Variants in NLGN2 observed in about 807,000 individuals in gnomAD.
NLGN2 encodes the protein neuroligin 2.
A neutral mutation model predicts 48.6 loss-of-function variants in NLGN2; 11 were observed. The ratio of observed to expected loss-of-function variants is 0.23; its 90% confidence interval spans 0.14 to 0.37. NLGN2 has a LOEUF of 0.37. NLGN2 is among the 10% of genes least tolerant of loss of function. The pLI is 1.00. For missense variants in NLGN2, 801 were observed against 1,225.2 expected, an observed-to-expected ratio of 0.65 and a Z score of 5.17; for synonymous variants, 548 against 550.0, an observed-to-expected ratio of 1.00 and a Z score of 0.05.
upstream of NLGN2, among the ~76,000 whole-genome samples, chr17:7,407,258 C>G (rs577798722): frequency 6.6e-6 from 1 of 152,178 alleles, no homozygotes; most frequent in Non-Finnish European, 1.5e-5. Context: ...TCCCGTCACC[C>G]GGCAACCGGC....
In NLGN2 at chr17:7,408,655, G is replaced by A. The variant is rs370906570; in HGVS notation, c.400G>A (p.Val134Met). 9 of 1,612,916 alleles carry A rather than the reference G, an allele frequency of 5.6e-6. No individual in the cohort carries two copies. Among genetic ancestry groups the A allele is most frequent in the Non-Finnish European group, 7.6e-6 (9 of 1,179,778 alleles). The stretch of plus-strand genomic sequence containing the variant: ...CAACTTGGAGGCGGCCGCCACCTAC[G>A]TGCAGAACCAGAGCGAGGACTGCCT... ...TDNLEAAATY[V>M]QNQSEDCLYL... is the part of the protein sequence containing the mutation. The change falls in exon 1 of 7, where the codon GTG (valine) becomes ATG (methionine). Residue 134 changes from valine (V) to methionine (M), a missense_variant. This residue lies in a region of NLGN2 where 56 missense variants were observed against 100.0 expected (regional missense o/e 0.56). Transcript: ENST00000302926. The surrounding 1 kb of genome is among the most constrained non-coding windows in gnomAD (Gnocchi z 7.5).
At chr17:7,406,074 A>T (rs771288580), upstream of NLGN2, among the ~76,000 whole-genome samples, 5 of 152,120 alleles carry the variant, frequency 3.3e-5, no homozygotes, top group Admixed American at 1.3e-4. Context: ...GGAGAGAGAG[A>T]CAGAAGGCTT....
intron 1 of NLGN2, 41 bp from the exon 2 acceptor site, chr17:7,412,116 A>G: frequency 8.2e-7 from 1 of 1,225,888 alleles, no homozygotes; most frequent in Non-Finnish European, 1.1e-6. Flanking sequence ...CTTTCCCCAC[A>G]AAATTGTCCT....
intron 2 of NLGN2, 91 bp downstream of exon 2, chr17:7,412,298 G>T: frequency 1.1e-6 from 1 of 908,834 alleles, no homozygotes; most frequent in Middle Eastern, 2.7e-4. Context: ...CAGCCCTCAA[G>T]GCCCCTCAGT....
At chr17:7,407,387 G>C (rs573474338), upstream of NLGN2, among the ~76,000 whole-genome samples, 1 of 152,170 alleles carries the variant, frequency 6.6e-6, no homozygotes, top group Admixed American at 6.5e-5. Context: ...GGGGAGAGAG[G>C]GGTCGCAGGC....
rs2150811002 is a variant in NLGN2 at position 7,408,211 on chromosome 17, G to C, written c.-45G>C. The C allele has an allele frequency of 1.8e-6, 2 of 1,087,584 alleles. No individual in the cohort carries two copies. The highest frequency in any genetic ancestry group is 6.6e-5 in the East Asian group (2 of 30,126). 67.4% of individuals were successfully genotyped at this position (1,087,584 alleles called of 1,614,324 possible). On this transcript the variant is annotated 5_prime_UTR_variant, in exon 1 of 7. Transcript: ENST00000302926. The surrounding 1 kb of genome is among the most constrained non-coding windows in gnomAD (Gnocchi z 7.5). Reference sequence around the variant, plus strand: ...CTCTCCCCCCCTTCTCTCTCTCTCCGAGGGGGGGGGGTCCCAGGGAGGGAG... The same window carrying C: ...CTCTCCCCCCCTTCTCTCTCTCTCCCAGGGGGGGGGGTCCCAGGGAGGGAG...
chr17:7,416,996 G>A lies in NLGN2; in HGVS notation c.1705G>A (p.Val569Met). ...HTKPNRFEEV[V>M]WSKFNSKEKQ... is the part of the protein sequence containing the mutation. The stretch of plus-strand genomic sequence containing the variant: ...CAAGCCCAATCGCTTCGAGGAGGTG[G>A]TGTGGAGCAAATTCAACAGCAAGGA... Residue 569 changes from valine to methionine, a missense_variant, in exon 7 of 7, where the codon GTG becomes ATG. Physicochemically the swap from Val to Met is conservative, Grantham distance 21. Coordinates refer to ENST00000302926, the MANE Select transcript of NLGN2 (RefSeq NM_020795.4). The A allele has an allele frequency of 6.2e-7, 1 of 1,614,192 alleles. No homozygotes were observed. Among genetic ancestry groups the A allele is most frequent in the Non-Finnish European group, 8.5e-7 (1 of 1,180,032 alleles).
In NLGN2 at chr17:7,414,643, CTCT is replaced by C. The variant is rs772400213; in HGVS notation, c.659-13_659-11del. ...GGCGCTGTGACACCTCCAGGGAGCCCTCTTCTTCTCTACTCCCAGGTTTTCTCA... is the reference window on the plus strand; with the variant it reads ...GGCGCTGTGACACCTCCAGGGAGCCCTCTTCTCTACTCCCAGGTTTTCTCA... On this transcript the variant is annotated splice_polypyrimidine_tract_variant and intron_variant, in intron 3 of 6. Transcript: ENST00000302926. 9.9e-6 allele frequency: 16 copies of C among 1,613,644 alleles called. No individual in the cohort carries two copies. The highest frequency in any genetic ancestry group is 8.9e-5 in the East Asian group (4 of 44,882).
rs1906738550 is a variant in NLGN2 at position 7,408,337 on chromosome 17, G to A, written c.82G>A (p.Gly28Ser). 21 of 1,433,250 alleles carry A rather than the reference G, an allele frequency of 1.5e-5. No individual in the cohort carries two copies. The highest frequency in any genetic ancestry group is 1.7e-5 in the Non-Finnish European group (19 of 1,099,906). The allele number at this position is 1,433,250 out of a possible 1,614,324, so 88.8% of individuals were successfully genotyped here. ...GGGTCCCGGCGGCGGCGCCCCGGGC[G>A]GCCCCGGCCTGGGCCTCGGCAGCCT... ...GGGPGGGAPGGPGLGLGSLGE... is the reference protein window; with the variant it reads ...GGGPGGGAPGSPGLGLGSLGE... The change falls in exon 1 of 7, where the codon GGC (glycine) becomes AGC (serine). Residue 28 changes from glycine (G) to serine (S), a missense_variant. Physicochemically the swap from Gly to Ser is moderately conservative, Grantham distance 56. Around this residue, in one of 5 missense-constraint regions of NLGN2, gnomAD observed 164 missense variants for 186.2 expected, o/e 0.88. Transcript: ENST00000302926. This position sits in a 1 kb window ranked among gnomAD's most constrained non-coding sequence, Gnocchi z 7.5.
In NLGN2 at chr17:7,415,547, C is replaced by T. The variant is rs199983625; in HGVS notation, c.1074C>T (p.Asp358=). ...HIAFGPVVDG[D]VVPDDPEILM... Reference sequence around the variant, plus strand: ...CCTTTGGGCCCGTGGTGGATGGCGACGTGGTCCCCGATGACCCTGAGATCC... The same window carrying T: ...CCTTTGGGCCCGTGGTGGATGGCGATGTGGTCCCCGATGACCCTGAGATCC... Residue 358 remains aspartate (D), a synonymous_variant, in exon 6 of 7, where the codon GAC becomes GAT. Transcript: ENST00000302926. The T allele has an allele frequency of 2.8e-5, 45 of 1,614,244 alleles. No homozygotes were observed. The East Asian group carries it at 3.1e-4, about 11-fold the overall frequency.
Position 7,414,660 on chromosome 17 carries a change from C to T in NLGN2, c.659-3C>T. ...AGGGAGCCCTCTTCTTCTCTACTCC[C>T]AGGTTTTCTCAGCACCGGGGACCAG... On this transcript the variant is annotated splice_polypyrimidine_tract_variant and splice_region_variant and intron_variant, in intron 3 of 6. Transcript: ENST00000302926. The T allele has an allele frequency of 1.2e-6, 2 of 1,614,026 alleles. No individual in the cohort carries two copies. Among genetic ancestry groups the T allele is most frequent in the South Asian group, 1.1e-5 (1 of 91,064 alleles).
chr17:7,412,662 G>C (rs1906945653), intron 2 of NLGN2, among the ~76,000 whole-genome samples: 1 of 152,062 alleles, frequency 6.6e-6, no homozygotes, highest in Non-Finnish European at 1.5e-5. Context: ...TCAGAAGCCT[G>C]TCGCAATTTC....
At chr17:7,407,041 C>A (rs1021236120), upstream of NLGN2, among the ~76,000 whole-genome samples, 1 of 152,180 alleles carries the variant, frequency 6.6e-6, no homozygotes, top group East Asian at 1.9e-4. Context: ...TCTTGGTGCC[C>A]CCAATCTCCC....
intron 4 of NLGN2, 49 bp downstream of exon 4, chr17:7,414,897 C>G (rs762424239): frequency 1.9e-6 from 3 of 1,612,816 alleles, no homozygotes; most frequent in South Asian, 2.2e-5. Flanking sequence ...CCTGCCAACT[C>G]CCCCCTCTCC....
At chr17:7,405,625 G>C (rs562021532), upstream of NLGN2, 15 of 152,736 alleles carry the variant, frequency 9.8e-5, no homozygotes, top group African/African-American at 3.4e-4. The surrounding 1 kb of genome is among the most constrained non-coding windows in gnomAD (Gnocchi z 6.8). Flanking sequence ...GACCTAAGCC[G>C]GGTCGGTGGA....
At position 7,408,070 on chromosome 17, in the gene NLGN2, C is replaced by T; in HGVS notation, c.-186C>T. On this transcript the variant is annotated 5_prime_UTR_variant, in exon 1 of 7. Coordinates refer to ENST00000302926, the MANE Select transcript of NLGN2 (RefSeq NM_020795.4). This position sits in a 1 kb window ranked among gnomAD's most constrained non-coding sequence, Gnocchi z 7.5. ...CCCCTTCCCCACCCCGTGCCCCCTC[C>T]ATGGAGAGGAACAGACCCCTTCTCT... The T allele has an allele frequency of 2.6e-6, 1 of 380,534 alleles. No homozygotes were observed. Among genetic ancestry groups the T allele is most frequent in the African/African-American group, 2.1e-5 (1 of 46,758 alleles). 23.6% of individuals were successfully genotyped at this position (380,534 alleles called of 1,614,324 possible).
Position 7,417,726 on chromosome 17 carries a change from TC to T in NLGN2, c.2441del (p.Pro814ArgfsTer91). On this transcript the variant is annotated frameshift_variant, in exon 7 of 7. Coordinates refer to ENST00000302926, the MANE Select transcript of NLGN2 (RefSeq NM_020795.4). LOFTEE classifies it high-confidence loss of function. ...PPPSLHPFGP[F>X]PPPPPTATSH... Reference sequence around the variant, plus strand: ...CCCTCCCTTCATCCCTTCGGGCCCTTCCCCCCGCCCCCTCCCACCGCCACCA... The same window carrying T: ...CCCTCCCTTCATCCCTTCGGGCCCTTCCCCCGCCCCCTCCCACCGCCACCA... 1 of 810,350 alleles carries T rather than the reference TC, an allele frequency of 1.2e-6. No individual in the cohort carries two copies. Among genetic ancestry groups the T allele is most frequent in the Non-Finnish European group, 1.5e-6 (1 of 647,374 alleles). The allele number at this position is 810,350 out of a possible 1,614,324, so 50.2% of individuals were successfully genotyped here.
chr17:7,413,319 G>A lies in NLGN2; in HGVS notation c.509-1025G>A, dbSNP rs1044683011. 6.6e-6 allele frequency among the ~76,000 whole-genome samples: 1 copy of A among 152,226 alleles called. No individual in the cohort carries two copies. The highest frequency in any genetic ancestry group is 1.5e-5 in the Non-Finnish European group (1 of 68,044). On this transcript the variant is annotated intron_variant, in intron 2 of 6. Coordinates refer to ENST00000302926, the MANE Select transcript of NLGN2 (RefSeq NM_020795.4). This position sits in a 1 kb window ranked among gnomAD's most constrained non-coding sequence, Gnocchi z 4.9. ...GCAGGAGGGATGTTTCTACCAGGAT[G>A]AGGGAGGTGGGCAGAGATGCTGGGG...
rs753284589 is a variant in NLGN2 at position 7,414,469 on chromosome 17, C to T, written c.634C>T (p.Leu212Phe). 1.2e-6 allele frequency: 2 copies of T among 1,614,132 alleles called. No individual in the cohort carries two copies. Among genetic ancestry groups the T allele is most frequent in the Admixed American group, 3.3e-5 (2 of 60,026 alleles). The stretch of plus-strand genomic sequence containing the variant: ...CTATGGCAACGTCATTGTAGCCACG[C>T]TCAACTACCGTCTTGGGGTGCTCGG... The part of the protein sequence containing the change: ...AAYGNVIVAT[L>F]NYRLGVLGFL... The change falls in exon 3 of 7, where the codon CTC (leucine) becomes TTC (phenylalanine). Residue 212 changes from leucine to phenylalanine, a missense_variant. Leu to Phe is a conservative substitution (Grantham distance 22). This residue lies in a region of NLGN2 where 303 missense variants were observed against 600.1 expected (regional missense o/e 0.50). Coordinates refer to ENST00000302926, the MANE Select transcript of NLGN2 (RefSeq NM_020795.4).
Sources: gnomAD v4.1 joint callset for allele counts (sites outside exome capture counted in the v4.1 genomes callset) on GRCh38, gnomAD v4.1.1 for gene constraint, gnomAD v4.1.1 regional missense constraint, Gnocchi (gnomAD v3.1) non-coding constraint, MANE v1.5 for transcripts, NCBI Gene and HGNC (gene_info 2026-07-23, HGNC 2026-07-21) for gene names.